THSD7B: variants seen among roughly 807,000 people sequenced by gnomAD.
THSD7B encodes the protein thrombospondin type 1 domain containing 7B.
THSD7B carries 138 observed loss-of-function variants against 213.6 expected under a neutral mutation model. The ratio of observed to expected loss-of-function variants is 0.65; its 90% confidence interval spans 0.56 to 0.74. The LOEUF (loss-of-function observed/expected upper bound fraction) is 0.74. Among genes scored for constraint, THSD7B ranks in the 30% least tolerant of loss-of-function variants. THSD7B has a pLI of 0.00. For missense variants in THSD7B, 1,931 were observed against 1,991.5 expected, an observed-to-expected ratio of 0.97 and a Z score of 0.58; for synonymous variants, 742 against 687.0, an observed-to-expected ratio of 1.08 and a Z score of -1.25.
chr2:136,845,299 C>G (rs1326977571), intron 1 of THSD7B, among the ~76,000 whole-genome samples: 2 of 152,164 alleles, frequency 1.3e-5, no homozygotes, highest in Non-Finnish European at 2.9e-5. Context: ...CAAAGGGTAA[C>G]AGTGGGCATT....
At chr2:137,226,941 A>T (rs914044841) in intron 7 of THSD7B, among the ~76,000 whole-genome samples, 1 of 152,212 alleles carries the variant, frequency 6.6e-6, no homozygotes, top group Non-Finnish European at 1.5e-5. Context: ...CTGTAAGGTG[A>T]ATGTGCCTCC....
intron 21 of THSD7B, among the ~76,000 whole-genome samples, chr2:137,646,732 G>A (rs1301526723): frequency 6.6e-6 from 1 of 151,164 alleles, no homozygotes; most frequent in Non-Finnish European, 1.5e-5. Flanking sequence ...CCAGAACCAT[G>A]AGCAATAAAT....
chr2:137,546,456 T>A lies in THSD7B; in HGVS notation c.3139-16765T>A, dbSNP rs201062732. 2.2e-3 allele frequency among the ~76,000 whole-genome samples: 43 copies of A among 19,246 alleles called. 5 individuals are homozygous for A. Among genetic ancestry groups the A allele is most frequent in the African/African-American group, 0.01 (24 of 2,324 alleles). 12.6% of individuals were successfully genotyped at this position (19,246 alleles called of 152,430 possible). On this transcript the variant is annotated intron_variant, in intron 15 of 27. Transcript: ENST00000409968. The stretch of plus-strand genomic sequence containing the variant: ...TATATTATATATATTATATATATAT[T>A]ATATATAATATATATATATATAATA...
chr2:136,890,407 CTCT>C lies in THSD7B; in HGVS notation c.139+8142_139+8144del, dbSNP rs1360389540. Among the ~76,000 whole-genome samples the C allele has an allele frequency of 5.1e-3, 2 of 390 alleles. 1 individual carries two copies. The highest frequency in any genetic ancestry group is 6.9e-3 in the African/African-American group (2 of 290). 0.3% of individuals were successfully genotyped at this position (390 alleles called of 152,430 possible). A position where few individuals can be genotyped will look rare whatever the true frequency, so the allele number is the denominator to read the frequency against. On this transcript the variant is annotated intron_variant, in intron 2 of 27. Coordinates refer to ENST00000409968, the MANE Select transcript of THSD7B (RefSeq NM_001316349.2). ...CCTCTTCCTCTTCCTCTTCCTCTTC[CTCT>C]TCTTCTTCTTCTTCTTCTTCTTCTT...
chr2:137,002,083 G>T (rs1044151205), intron 2 of THSD7B, among the ~76,000 whole-genome samples: 1 of 151,936 alleles, frequency 6.6e-6, no homozygotes, highest in Non-Finnish European at 1.5e-5. Flanking sequence ...TTTGCCTTCC[G>T]CATATGACTG....
intron 2 of THSD7B, among the ~76,000 whole-genome samples, chr2:136,901,111 A>G (rs1310392958): frequency 6.6e-6 from 1 of 152,178 alleles, no homozygotes; most frequent in Non-Finnish European, 1.5e-5. Flanking sequence ...AGAAAAACAA[A>G]GTTTTGATCT....
chr2:137,010,132 A>G (rs1686199370), intron 2 of THSD7B, among the ~76,000 whole-genome samples: 1 of 152,188 alleles, frequency 6.6e-6, no homozygotes, highest in South Asian at 2.1e-4. Context: ...CTCACTGTGT[A>G]GACATCTTCA....
intron 2 of THSD7B, among the ~76,000 whole-genome samples, chr2:136,996,403 G>T (rs181284213): frequency 6.7e-6 from 1 of 150,196 alleles, no homozygotes; most frequent in African/African-American, 2.5e-5. Flanking sequence ...GTGCCGTGAC[G>T]CAATTACAGC....
rs370096003 is a variant in THSD7B at position 137,131,873 on chromosome 2, G to A, written c.1369+16580G>A. Among the ~76,000 whole-genome samples the A allele has an allele frequency of 3.3e-4, 50 of 151,886 alleles. 1 individual carries two copies. The highest frequency in any genetic ancestry group is 5.9e-5 in the Non-Finnish European group (4 of 67,974). On this transcript the variant is annotated intron_variant, in intron 5 of 27. Coordinates refer to ENST00000409968, the MANE Select transcript of THSD7B (RefSeq NM_001316349.2). Reference sequence around the variant, plus strand: ...GACTTGGCAATGTGGGCTCTTTTTTGGTTCCATATGAACTTTAAAGTAGTT... The same window carrying A: ...GACTTGGCAATGTGGGCTCTTTTTTAGTTCCATATGAACTTTAAAGTAGTT...
intron 15 of THSD7B, among the ~76,000 whole-genome samples, chr2:137,487,502 C>G (rs1688486690): frequency 6.7e-6 from 1 of 150,270 alleles, no homozygotes; most frequent in East Asian, 2.0e-4. Flanking sequence ...AAAAACCCTT[C>G]AAAAATTTAA....
intron 3 of THSD7B, among the ~76,000 whole-genome samples, chr2:137,093,252 T>C (rs975035259): frequency 8.7e-5 from 12 of 137,646 alleles, no homozygotes; most frequent in African/African-American, 3.7e-4. Flanking sequence ...AGAACCCTTG[T>C]ACCTTGTATC....
At chr2:137,000,832 AT>A (rs1685986401) in intron 2 of THSD7B, among the ~76,000 whole-genome samples, 1 of 151,964 alleles carries the variant, frequency 6.6e-6, no homozygotes, top group South Asian at 2.1e-4. Flanking sequence ...TTTATTTTTT[AT>A]TTTTAGTAAC....
At chr2:137,639,599 G>T (rs1316121349) in intron 20 of THSD7B, among the ~76,000 whole-genome samples, 1 of 152,106 alleles carries the variant, frequency 6.6e-6, no homozygotes, top group Non-Finnish European at 1.5e-5. Flanking sequence ...TGGAAAACCT[G>T]CAGACACTCA....
intron 2 of THSD7B, among the ~76,000 whole-genome samples, chr2:136,898,575 C>CCCAG: frequency 9.2e-6 from 1 of 108,426 alleles, no homozygotes; most frequent in Non-Finnish European, 2.3e-5. Context: ...CCCCTTGTCC[C>CCCAG]CCCGCCCCCC....
At chr2:136,769,592 T>C (rs1180051709) in intron 1 of THSD7B, among the ~76,000 whole-genome samples, 1 of 152,200 alleles carries the variant, frequency 6.6e-6, no homozygotes, top group African/African-American at 2.4e-5. Flanking sequence ...TAAGAACTAC[T>C]TTAAGTGTGT....
At chr2:137,147,845 G>A (rs895862458) in intron 5 of THSD7B, among the ~76,000 whole-genome samples, 5 of 151,872 alleles carry the variant, frequency 3.3e-5, no homozygotes, top group East Asian at 1.9e-4. Flanking sequence ...TCAGACATTC[G>A]TATCTCAACC....
At chr2:137,167,211 A>G (rs1680155669) in intron 6 of THSD7B, among the ~76,000 whole-genome samples, 1 of 150,918 alleles carries the variant, frequency 6.6e-6, no homozygotes, top group Non-Finnish European at 1.5e-5. Context: ...TTATTTATTT[A>G]TTTATTTTCT....
chr2:137,166,132 T>C (rs911699323), intron 6 of THSD7B, among the ~76,000 whole-genome samples: 2 of 152,118 alleles, frequency 1.3e-5, no homozygotes, highest in African/African-American at 2.4e-5. Context: ...AATCAGCCAG[T>C]GTTCACAGCC....
intron 3 of THSD7B, among the ~76,000 whole-genome samples, chr2:137,091,959 A>T (rs1687955948): frequency 2.0e-5 from 3 of 152,290 alleles, no homozygotes; most frequent in Admixed American, 1.3e-4. Context: ...ACTTGGCAAC[A>T]GTGACATTAC....
Sources: allele counts gnomAD v4.1 joint callset (sites outside exome capture counted in the v4.1 genomes callset), GRCh38; gene constraint gnomAD v4.1.1; transcripts MANE v1.5; gene names NCBI Gene and HGNC (gene_info 2026-07-23, HGNC 2026-07-21).